Variants in LRBA observed in about 807,000 individuals in gnomAD.
LRBA encodes LPS responsive beige-like anchor protein, also known as lipopolysaccharide-responsive and beige-like anchor protein.
In LRBA, 176 loss-of-function variants were observed where a neutral mutation model predicts 330.0. The observed-to-expected ratio is 0.53, with a 90% CI of 0.47 to 0.60. The LOEUF (loss-of-function observed/expected upper bound fraction) is 0.60. Among genes scored for constraint, LRBA ranks in the 20% least tolerant of loss-of-function variants. The pLI, the probability that LRBA is intolerant of heterozygous loss-of-function variation, is 0.00. For missense variants in LRBA, 3,259 were observed against 3,444.8 expected (o/e 0.95, Z 1.35); for synonymous variants, 1,230 against 1,193.0 (o/e 1.03, Z -0.64).
intron 36 of LRBA, among the ~76,000 whole-genome samples, chr4:150,684,499 A>C (rs940151209): frequency 6.6e-6 from 1 of 152,146 alleles, no homozygotes; most frequent in African/African-American, 2.4e-5. Flanking sequence ...TATACATCAA[A>C]GTCTGAAAAG....
At chr4:150,460,344 G>C (rs1444019963) in intron 44 of LRBA, among the ~76,000 whole-genome samples, 1 of 151,740 alleles carries the variant, frequency 6.6e-6, no homozygotes, top group African/African-American at 2.4e-5. Flanking sequence ...TACTTTTCCT[G>C]AAAGAGAGAG....
intron 35 of LRBA, among the ~76,000 whole-genome samples, chr4:150,758,310 C>T (rs1734588588): frequency 6.6e-6 from 1 of 152,134 alleles, no homozygotes; most frequent in African/African-American, 2.4e-5. Context: ...CCAAAGCTGT[C>T]TGCTATATAA....
At chr4:150,383,709 G>C (rs1474818070) in intron 47 of LRBA, among the ~76,000 whole-genome samples, 1 of 152,164 alleles carries the variant, frequency 6.6e-6, no homozygotes, top group Non-Finnish European at 1.5e-5. Flanking sequence ...AAAAGACCAA[G>C]AGCATCACTG....
intron 40 of LRBA, among the ~76,000 whole-genome samples, chr4:150,557,555 T>C (rs1166775493): frequency 6.6e-6 from 1 of 152,004 alleles, no homozygotes; most frequent in Admixed American, 6.6e-5. Flanking sequence ...AGTCTTGATG[T>C]CTCCTTAGGC....
intron 47 of LRBA, among the ~76,000 whole-genome samples, chr4:150,361,303 T>C (rs1173291408): frequency 6.6e-6 from 1 of 152,228 alleles, no homozygotes; most frequent in African/African-American, 2.4e-5. Flanking sequence ...TAAGTAGCCA[T>C]GAATACATAT....
intron 46 of LRBA, among the ~76,000 whole-genome samples, chr4:150,430,535 A>C (rs1315979676): frequency 1.3e-5 from 2 of 152,124 alleles, no homozygotes; most frequent in African/African-American, 4.8e-5. Flanking sequence ...GTTTTACTGT[A>C]GGTATCTCCT....
chr4:150,371,182 A>ATTTTTTTTTTTTTTTTTTTT (rs70937395), intron 47 of LRBA, among the ~76,000 whole-genome samples: 9 of 91,924 alleles, frequency 9.8e-5, no homozygotes, highest in African/African-American at 4.3e-4. Flanking sequence ...AAGCTACTAA[A>ATTTTTTTTTTTTTTTTTTTT]TTTTTTTTTT....
chr4:150,331,372 A>C (rs986287355), intron 48 of LRBA, among the ~76,000 whole-genome samples: 1 of 152,200 alleles, frequency 6.6e-6, no homozygotes, highest in Non-Finnish European at 1.5e-5. Flanking sequence ...AAATGCCTCA[A>C]CTGCTCTTAA....
At chr4:150,928,435 A>C in intron 4 of LRBA, 81 bp downstream of exon 4, 1 of 795,718 alleles carries the variant, frequency 1.3e-6, no homozygotes, top group East Asian at 2.6e-5. Context: ...CATGTATAAT[A>C]ATATCAGTTA....
At chr4:150,747,883 C>A (rs1732969364) in intron 35 of LRBA, among the ~76,000 whole-genome samples, 1 of 152,144 alleles carries the variant, frequency 6.6e-6, no homozygotes, top group Non-Finnish European at 1.5e-5. Context: ...ATATCTCTAA[C>A]CCTATCCTTG....
chr4:150,362,951 C>T (rs2151846621), intron 47 of LRBA, among the ~76,000 whole-genome samples: 1 of 152,060 alleles, frequency 6.6e-6, no homozygotes, highest in South Asian at 2.1e-4. Flanking sequence ...ATCCCCATCT[C>T]TACTGAAAAT....
intron 47 of LRBA, among the ~76,000 whole-genome samples, chr4:150,378,160 T>C (rs917374700): frequency 2.0e-5 from 3 of 152,190 alleles, no homozygotes; most frequent in Non-Finnish European, 4.4e-5. Flanking sequence ...GCATGATCCC[T>C]TACTTCTTAT....
intron 50 of LRBA, among the ~76,000 whole-genome samples, chr4:150,318,839 T>C (rs76578573): frequency 0.026 from 3,980 of 152,216 alleles, 191 homozygotes; most frequent in African/African-American, 0.089. Flanking sequence ...AACAGAAATA[T>C]AGGCAAGATT....
At chr4:150,648,453 T>A (rs1436739498) in intron 37 of LRBA, among the ~76,000 whole-genome samples, 1 of 152,008 alleles carries the variant, frequency 6.6e-6, no homozygotes, top group East Asian at 1.9e-4. Context: ...TTAGTGGTTG[T>A]ACAGGAACTC....
chr4:150,296,794 C>T (rs533329989), intron 53 of LRBA, among the ~76,000 whole-genome samples: 6 of 152,132 alleles, frequency 3.9e-5, no homozygotes, highest in South Asian at 4.2e-4. Flanking sequence ...ATTTCTCTTA[C>T]GAAATGAGCG....
At chr4:150,410,148 C>G (rs1015777979) in intron 47 of LRBA, among the ~76,000 whole-genome samples, 6 of 152,040 alleles carry the variant, frequency 3.9e-5, no homozygotes, top group Admixed American at 1.3e-4. Flanking sequence ...CATTTCCCCA[C>G]TCTTGTTCAG....
In LRBA at chr4:150,429,763, T is replaced by G. The variant is rs1750130971; in HGVS notation, c.7041+5826A>C. Among the ~76,000 whole-genome samples the G allele has an allele frequency of 3.9e-5, 6 of 152,260 alleles. No individual in the cohort carries two copies. In the South Asian group the frequency reaches 1.2e-3, roughly 32 times the overall value. The stretch of plus-strand genomic sequence containing the variant: ...TCCCCCAGTCAGAATTAATTTAATT[T>G]TGTTTATATCTTACTATATAAGATA... On this transcript the variant is annotated intron_variant, in intron 46 of 56. Transcript: ENST00000651943.
At chr4:150,624,214 CCTGA>C (rs558361536) in intron 37 of LRBA, among the ~76,000 whole-genome samples, 4 of 151,692 alleles carry the variant, frequency 2.6e-5, no homozygotes, top group Non-Finnish European at 5.9e-5. Flanking sequence ...TGTTTGAAAC[CCTGA>C]CTGTTGCTCA....
chr4:150,639,623 C>A (rs1778319395), intron 37 of LRBA, among the ~76,000 whole-genome samples: 1 of 139,178 alleles, frequency 7.2e-6, no homozygotes, highest in African/African-American at 2.7e-5. Context: ...AGACATTCCA[C>A]AAGAAGAATA....
Sources: gnomAD v4.1 joint callset for allele counts (sites outside exome capture counted in the v4.1 genomes callset) on GRCh38, gnomAD v4.1.1 for gene constraint, MANE v1.5 for transcripts, NCBI Gene and HGNC (gene_info 2026-07-23, HGNC 2026-07-21) for gene names.